The following LIMS1 variants were observed in gnomAD, a reference collection of about 807,000 sequenced individuals.
LIMS1 encodes LIM zinc finger domain containing 1.
Under a neutral mutation model 44.1 loss-of-function variants are expected in LIMS1, and 18 were observed. The observed-to-expected ratio is 0.41, with a 90% CI of 0.28 to 0.61. The LOEUF is 0.61. Among genes scored for constraint, LIMS1 ranks in the 20% least tolerant of loss-of-function variants. The probability of loss-of-function intolerance (pLI) is 0.32; values close to 1 mark genes in which losing one functional copy is unlikely to be tolerated. For synonymous variants in LIMS1, 93 were observed against 149.1 expected (o/e 0.62, Z 2.74); for missense variants, 201 against 422.0 (o/e 0.48, Z 4.59).
chr2:108,608,471 A>G (rs977624785), intron 1 of LIMS1, among the ~76,000 whole-genome samples: 1 of 151,900 alleles, frequency 6.6e-6, no homozygotes, highest in African/African-American at 2.4e-5. Flanking sequence ...ACACCCAGCT[A>G]ATTTTTATAT....
At chr2:108,678,796 T>A (rs1157737365) in intron 8 of LIMS1, among the ~76,000 whole-genome samples, 2 of 152,222 alleles carry the variant, frequency 1.3e-5, no homozygotes, top group African/African-American at 4.8e-5. Context: ...GGCAAATAAG[T>A]TAATGTCTGG....
At chr2:108,587,200 G>C (rs1026758810) in intron 1 of LIMS1, among the ~76,000 whole-genome samples, 2 of 151,952 alleles carry the variant, frequency 1.3e-5, no homozygotes, top group African/African-American at 4.8e-5. Flanking sequence ...GGTGCCCTCA[G>C]GTTATAGCTT....
intron 1 of LIMS1, among the ~76,000 whole-genome samples, chr2:108,548,430 T>C (rs918454980): frequency 6.6e-6 from 1 of 152,346 alleles, no homozygotes. Flanking sequence ...CGTAATGGAA[T>C]GTTTTAACCC....
intron 1 of LIMS1, among the ~76,000 whole-genome samples, chr2:108,558,058 A>G (rs749502617): frequency 2.4e-4 from 36 of 152,198 alleles, no homozygotes; most frequent in Non-Finnish European, 2.6e-4. Context: ...ATACCTAAAA[A>G]TTTTAAGTAT....
chr2:108,545,486 G>A (rs1015026235), intron 1 of LIMS1, among the ~76,000 whole-genome samples: 1 of 152,096 alleles, frequency 6.6e-6, no homozygotes, highest in Non-Finnish European at 1.5e-5. Context: ...CACCTGCCTC[G>A]CCTCGGCTTC....
chr2:108,650,706 G>A (rs543053891), intron 1 of LIMS1, among the ~76,000 whole-genome samples: 9 of 152,254 alleles, frequency 5.9e-5, no homozygotes, highest in Non-Finnish European at 1.0e-4. Context: ...GATTACAGGC[G>A]TGAGCCACTG....
exon 10 of LIMS1, chr2:108,684,074 AG>A: frequency 1.4e-6 from 1 of 734,018 alleles, no homozygotes; most frequent in East Asian, 2.8e-5. Flanking sequence ...CCATATTTAA[AG>A]CTATATCTCA....
At chr2:108,674,163 TA>T (rs1441222937) in intron 5 of LIMS1, among the ~76,000 whole-genome samples, 1 of 150,308 alleles carries the variant, frequency 6.7e-6, no homozygotes, top group African/African-American at 2.5e-5. Flanking sequence ...CCGTCTCTAC[TA>T]AAAAATACAA....
intron 1 of LIMS1, among the ~76,000 whole-genome samples, chr2:108,620,657 G>T (rs933967247): frequency 2.6e-5 from 4 of 152,160 alleles, no homozygotes; most frequent in African/African-American, 9.6e-5. Flanking sequence ...CCTTTCCTAC[G>T]AGAGGGCATT....
intron 1 of LIMS1, chr2:108,659,228 A>C: frequency 2.7e-6 from 2 of 751,474 alleles, no homozygotes; most frequent in Non-Finnish European, 3.2e-6. Flanking sequence ...TGAGATGTTG[A>C]CTTTTGGATA....
chr2:108,563,826 A>G (rs1558789062), intron 1 of LIMS1, among the ~76,000 whole-genome samples: 1 of 152,152 alleles, frequency 6.6e-6, no homozygotes, highest in Non-Finnish European at 1.5e-5. Context: ...TGGGAGGCCA[A>G]GGTGGGAGGA....
chr2:108,664,974 A>C (rs1236022537), intron 2 of LIMS1, among the ~76,000 whole-genome samples: 1 of 152,218 alleles, frequency 6.6e-6, no homozygotes, highest in African/African-American at 2.4e-5. Context: ...AGAGATCCCA[A>C]ATCTTACTAT....
At chr2:108,611,874 T>C (rs559590146) in intron 1 of LIMS1, among the ~76,000 whole-genome samples, 34 of 124,454 alleles carry the variant, frequency 2.7e-4, no homozygotes, top group Non-Finnish European at 4.2e-4. Context: ...TATATACACA[T>C]ATATATAAAA....
At chr2:108,538,620 A>G (rs955425402) in intron 1 of LIMS1, among the ~76,000 whole-genome samples, 4 of 152,230 alleles carry the variant, frequency 2.6e-5, no homozygotes, top group Non-Finnish European at 5.9e-5. Context: ...TTTACAAGTA[A>G]TGTTTACACA....
chr2:108,587,764 G>T (rs1305492669), intron 1 of LIMS1, among the ~76,000 whole-genome samples: 1 of 152,202 alleles, frequency 6.6e-6, no homozygotes, highest in African/African-American at 2.4e-5. Flanking sequence ...GTCCCAGGAG[G>T]TGACTCAGTC....
chr2:108,564,373 A>G (rs961633242), intron 1 of LIMS1, among the ~76,000 whole-genome samples: 4 of 152,176 alleles, frequency 2.6e-5, no homozygotes, highest in African/African-American at 9.7e-5. Context: ...AAACCAAAAA[A>G]CTTGTGACTC....
chr2:108,603,565 G>T (rs1402985336), intron 1 of LIMS1, among the ~76,000 whole-genome samples: 6 of 128,512 alleles, frequency 4.7e-5, no homozygotes, highest in Non-Finnish European at 9.3e-5. Context: ...AGTTATCTTG[G>T]CTCACTACAA....
At chr2:108,590,064 G>A (rs1558799401) in intron 1 of LIMS1, among the ~76,000 whole-genome samples, 2 of 152,176 alleles carry the variant, frequency 1.3e-5, no homozygotes, top group Non-Finnish European at 2.9e-5. Flanking sequence ...ATTAAGGGGT[G>A]ATTATTTACC....
chr2:108,550,351 T>C (rs777237296), intron 1 of LIMS1, among the ~76,000 whole-genome samples: 7 of 148,294 alleles, frequency 4.7e-5, no homozygotes, highest in East Asian at 4.0e-4. Flanking sequence ...AAAAAAAAAT[T>C]AGCCGGGCGC....
Sources: gnomAD v4.1 joint callset for allele counts (sites outside exome capture counted in the v4.1 genomes callset) on GRCh38, gnomAD v4.1.1 for gene constraint, MANE v1.5 for transcripts, NCBI Gene and HGNC (gene_info 2026-07-23, HGNC 2026-07-21) for gene names.